The following MYO10 variants were observed in gnomAD, a reference collection of about 807,000 sequenced individuals.
MYO10 encodes myosin X.
Under a neutral mutation model 257.3 loss-of-function variants are expected in MYO10, and 133 were observed. The ratio of observed to expected loss-of-function variants is 0.52; its 90% CI spans 0.45 to 0.60. The LOEUF (loss-of-function observed/expected upper bound fraction) is 0.60. MYO10 is among the 20% of genes least tolerant of loss of function. The pLI, the probability that MYO10 is intolerant of heterozygous loss-of-function variation, is 0.00. For missense variants in MYO10, 2,399 were observed against 2,635.7 expected, an observed-to-expected ratio of 0.91 and a Z score of 1.97; for synonymous variants, 1,104 against 1,028.6, an observed-to-expected ratio of 1.07 and a Z score of -1.40.
intron 1 of MYO10, 52 bp from the exon 2 acceptor site, chr5:16,877,759 G>A (rs898780684): frequency 2.0e-5 from 28 of 1,421,104 alleles, no homozygotes; most frequent in African/African-American, 1.4e-4. Context: ...ATTTTGTGGC[G>A]AAACTGTACT....
intron 2 of MYO10, among the ~76,000 whole-genome samples, chr5:16,874,299 A>T (rs1392341926): frequency 8.2e-6 from 1 of 121,532 alleles, no homozygotes; most frequent in Non-Finnish European, 1.6e-5. Context: ...GCGCCACTGC[A>T]CTCCAGCCTG....
intron 27 of MYO10, among the ~76,000 whole-genome samples, chr5:16,691,281 A>G (rs1737489896): frequency 6.6e-6 from 1 of 152,120 alleles, no homozygotes; most frequent in South Asian, 2.1e-4. Flanking sequence ...AAAAAAAAAA[A>G]AAAAGTACAA....
chr5:16,793,469 A>G (rs964354129), intron 4 of MYO10, among the ~76,000 whole-genome samples: 1 of 152,084 alleles, frequency 6.6e-6, no homozygotes, highest in African/African-American at 2.4e-5. Flanking sequence ...AACTATAGGC[A>G]TGAGCCACCG....
intron 3 of MYO10, among the ~76,000 whole-genome samples, chr5:16,795,116 C>T (rs1023477577): frequency 7.0e-6 from 1 of 141,898 alleles, no homozygotes; most frequent in African/African-American, 2.5e-5. Flanking sequence ...CCCCGCTGAC[C>T]TCACCAATCT....
chr5:16,823,467 G>GGT (rs1561003861), intron 2 of MYO10, among the ~76,000 whole-genome samples: 2 of 3,978 alleles, frequency 5.0e-4, no homozygotes, highest in Non-Finnish European at 1.2e-3. Flanking sequence ...GGGGAGTGGG[G>GGT]ATTTTTTTTT....
chr5:16,699,804 A>AG (rs1191607556), intron 25 of MYO10, among the ~76,000 whole-genome samples: 3 of 146,056 alleles, frequency 2.1e-5, no homozygotes, highest in Admixed American at 2.0e-4. Flanking sequence ...AAAAAAAAAA[A>AG]AAAGGGAAAA....
intron 1 of MYO10, among the ~76,000 whole-genome samples, chr5:16,891,375 GGAAGGAGA>G (rs1202877601): frequency 2.3e-3 from 262 of 114,722 alleles, no homozygotes; most frequent in Middle Eastern, 5.1e-3. Flanking sequence ...AAGGAAGGAA[GGAAGGAGA>G]GAGAGAGGAA....
At chr5:16,892,521 T>C (rs1283180974) in intron 1 of MYO10, among the ~76,000 whole-genome samples, 1 of 152,156 alleles carries the variant, frequency 6.6e-6, no homozygotes, top group Non-Finnish European at 1.5e-5. Flanking sequence ...CATGCGCCTA[T>C]AGTCCAAGCT....
intron 1 of MYO10, among the ~76,000 whole-genome samples, chr5:16,891,023 C>T (rs1745032982): frequency 6.6e-6 from 1 of 150,768 alleles, no homozygotes; most frequent in Non-Finnish European, 1.5e-5. Context: ...TGGCTCACAT[C>T]TGTAATCCCA....
chr5:16,801,380 G>C (rs1742116084), intron 3 of MYO10, among the ~76,000 whole-genome samples: 1 of 151,944 alleles, frequency 6.6e-6, no homozygotes, highest in Non-Finnish European at 1.5e-5. Context: ...GCTAATTTTT[G>C]TATTTTTAGT....
chr5:16,916,545 G>C (rs1745823829), intron 1 of MYO10: 1 of 160,696 alleles, frequency 6.2e-6, no homozygotes, highest in African/African-American at 2.4e-5. Context: ...GGAAGTTTAA[G>C]ATGATCCAAT....
intron 9 of MYO10, among the ~76,000 whole-genome samples, chr5:16,778,023 T>C (rs1194239183): frequency 1.3e-5 from 2 of 151,716 alleles, no homozygotes; most frequent in East Asian, 3.9e-4. Context: ...TAATTTTTTG[T>C]GTGTTTTTAG....
chr5:16,912,043 A>T (rs1283801330), intron 1 of MYO10, among the ~76,000 whole-genome samples: 1 of 150,790 alleles, frequency 6.6e-6, no homozygotes, highest in African/African-American at 2.5e-5. Context: ...CTCCAAAAAA[A>T]AAAATTAGGT....
At chr5:16,895,255 CA>C (rs1328325731) in intron 1 of MYO10, among the ~76,000 whole-genome samples, 1 of 152,228 alleles carries the variant, frequency 6.6e-6, no homozygotes. Flanking sequence ...AGATCTCCCT[CA>C]GGGGAATCAA....
chr5:16,809,349 C>T (rs1183221395), intron 3 of MYO10, among the ~76,000 whole-genome samples: 1 of 152,180 alleles, frequency 6.6e-6, no homozygotes, highest in Non-Finnish European at 1.5e-5. Context: ...TGACTTGACT[C>T]GAGCCTTGGA....
chr5:16,918,691 G>C (rs1239897347), intron 1 of MYO10, among the ~76,000 whole-genome samples: 4 of 151,852 alleles, frequency 2.6e-5, no homozygotes, highest in Non-Finnish European at 5.9e-5. Context: ...AGTAGAGACA[G>C]GGTTTCTCCA....
At chr5:16,778,354 G>A (rs1358984475) in intron 9 of MYO10, among the ~76,000 whole-genome samples, 2 of 152,172 alleles carry the variant, frequency 1.3e-5, no homozygotes, top group African/African-American at 4.8e-5. Context: ...CACGCAACCA[G>A]AAATGGCCAT....
chr5:16,851,411 T>C (rs927068441), intron 2 of MYO10, among the ~76,000 whole-genome samples: 1 of 152,190 alleles, frequency 6.6e-6, no homozygotes, highest in African/African-American at 2.4e-5. Context: ...AACAGAGAAG[T>C]AGCAATCAAC....
At chr5:16,829,662 T>C (rs1374898692) in intron 2 of MYO10, among the ~76,000 whole-genome samples, 1 of 152,140 alleles carries the variant, frequency 6.6e-6, no homozygotes, top group East Asian at 1.9e-4. Flanking sequence ...GCTAACAGGA[T>C]AAGTCAAGAA....
Sources: allele counts gnomAD v4.1 joint callset (sites outside exome capture counted in the v4.1 genomes callset), GRCh38; gene constraint gnomAD v4.1.1; transcripts MANE v1.5; gene names NCBI Gene and HGNC (gene_info 2026-07-23, HGNC 2026-07-21).